The following BCOR variants were observed in gnomAD, a reference collection of about 807,000 sequenced individuals.
BCOR encodes BCL6 corepressor.
BCOR carries 10 observed loss-of-function variants against 86.7 expected under a neutral mutation model. The observed-to-expected ratio is 0.12, with a 90% CI of 0.07 to 0.20. The LOEUF (loss-of-function observed/expected upper bound fraction) is 0.20, where lower values mean the gene tolerates loss of function less well. BCOR is among the 10% of genes least tolerant of loss of function. The pLI, the probability that BCOR is intolerant of heterozygous loss-of-function variation, is 1.00. For missense variants in BCOR, 1,259 were observed against 1,452.1 expected (o/e 0.87, Z 2.16); for synonymous variants, 611 against 609.0 (o/e 1.00, Z -0.05).
At chrX:40,161,491 C>T (rs1445315827) in intron 1 of BCOR, among the ~76,000 whole-genome samples, 1 of 97,685 alleles carries the variant, frequency 1.0e-5, no homozygotes, top group African/African-American at 3.8e-5. Context: ...AGCCAGAAAC[C>T]AGGCCGATTC....
intron 1 of BCOR, among the ~76,000 whole-genome samples, chrX:40,158,335 C>T (rs897935858): frequency 3.6e-5 from 4 of 112,080 alleles, no homozygotes; most frequent in African/African-American, 9.7e-5. Flanking sequence ...CGGCCGCCAT[C>T]TTGGCCCGGC....
At chrX:40,110,804 G>A (rs1937300150) in intron 1 of BCOR, among the ~76,000 whole-genome samples, 1 of 95,627 alleles carries the variant, frequency 1.0e-5, no homozygotes, top group South Asian at 5.4e-4. Flanking sequence ...TCCGCCTCCC[G>A]GGTTCAAGTG....
At chrX:40,174,267 CAAAG>C (rs1298771583) in intron 1 of BCOR, among the ~76,000 whole-genome samples, 4 of 112,481 alleles carry the variant, frequency 3.6e-5, no homozygotes, top group Non-Finnish European at 7.5e-5. Flanking sequence ...CCGAGAAAGA[CAAAG>C]AACACGGGCG....
chrX:40,076,810 C>A, intron 2 of BCOR: 3 of 329,335 alleles, frequency 9.1e-6, no homozygotes, highest in South Asian at 8.8e-5. Flanking sequence ...TTAAGCACAA[C>A]TACTTCTCCC....
chrX:40,140,993 T>A (rs770199270), intron 1 of BCOR, among the ~76,000 whole-genome samples: 24 of 112,832 alleles, frequency 2.1e-4, no homozygotes, highest in Non-Finnish European at 3.9e-4. Context: ...TCTTGACCCA[T>A]TGGCAACCCA....
chrX:40,075,067 C>A lies in BCOR; in HGVS notation c.279G>T (p.Leu93Phe). The A allele has an allele frequency of 8.3e-7, 1 of 1,206,666 alleles. No individual in the cohort carries two copies. Among genetic ancestry groups the A allele is most frequent in the Non-Finnish European group, 1.1e-6 (1 of 892,351 alleles). Residue 93 changes from leucine to phenylalanine, a missense_variant, in exon 4 of 15, where the codon TTG becomes TTT. Coordinates refer to ENST00000378444, the MANE Select transcript of BCOR (RefSeq NM_001123385.2). ...GACCTTTCTCTGAGCCCAGTCCACA[C>A]AAGCTAGAATAGACGATGTTTCCCG... is the stretch of plus-strand genomic sequence containing the variant. ...RVPGNIVYSS[L>F]CGLGSEKGRE...
exon 1 of BCOR, chrX:40,177,170 C>T (rs1938781146): frequency 1.8e-5 from 2 of 111,093 alleles, no homozygotes; most frequent in African/African-American, 3.3e-5. Flanking sequence ...TCTTTCTCCT[C>T]CTCCGAGGTG....
intron 10 of BCOR, among the ~76,000 whole-genome samples, chrX:40,058,670 G>A (rs945626719): frequency 5.4e-5 from 6 of 111,708 alleles, no homozygotes; most frequent in African/African-American, 1.6e-4. Context: ...AACCCTGGCC[G>A]GTAACCCTGT....
chrX:40,142,204 C>T (rs1041490789), intron 1 of BCOR, among the ~76,000 whole-genome samples: 2 of 112,389 alleles, frequency 1.8e-5, no homozygotes, highest in African/African-American at 6.5e-5. Flanking sequence ...CTCTAACCAG[C>T]AGTCACTTTC....
At chrX:40,106,066 G>C (rs976769241) in intron 1 of BCOR, among the ~76,000 whole-genome samples, 15 of 111,943 alleles carry the variant, frequency 1.3e-4, no homozygotes, top group Middle Eastern at 4.7e-3. Flanking sequence ...ACGTAGGGTC[G>C]GCTGCGGGGC....
intron 1 of BCOR, among the ~76,000 whole-genome samples, chrX:40,114,835 G>T (rs1291136199): frequency 9.3e-6 from 1 of 107,340 alleles, no homozygotes; most frequent in African/African-American, 3.4e-5. Context: ...CTATGGCTTA[G>T]GTATTACCAT....
At chrX:40,174,960 C>G (rs1292827251) in intron 1 of BCOR, among the ~76,000 whole-genome samples, 9 of 113,358 alleles carry the variant, frequency 7.9e-5, no homozygotes, top group African/African-American at 2.9e-4. Context: ...TATCTGACCA[C>G]ATTTGTCTGG....
intron 1 of BCOR, among the ~76,000 whole-genome samples, chrX:40,151,604 G>A (rs1300525700): frequency 8.8e-6 from 1 of 113,104 alleles, no homozygotes; most frequent in Non-Finnish European, 1.9e-5. Context: ...GTCAGCGGGG[G>A]GACGGGTCCC....
intron 1 of BCOR, among the ~76,000 whole-genome samples, chrX:40,172,557 TTA>T (rs937480660): frequency 2.7e-5 from 3 of 112,618 alleles, no homozygotes; most frequent in African/African-American, 6.4e-5. Flanking sequence ...CCGTGTGTGT[TTA>T]TGTGTCTGCG....
chrX:40,083,767 C>A (rs1936222196), intron 1 of BCOR, among the ~76,000 whole-genome samples: 1 of 112,136 alleles, frequency 8.9e-6, no homozygotes, highest in Non-Finnish European at 1.9e-5. Context: ...CTCACGCCCT[C>A]GCGGCGCGCC....
rs144872499 is a variant in BCOR at position 40,052,874 on chromosome X, C to T, written c.4977-474G>A. 9.2e-3 allele frequency among the ~76,000 whole-genome samples: 1,031 copies of T among 111,789 alleles called. 19 individuals are homozygous for T. The highest frequency in any genetic ancestry group is 0.032 in the African/African-American group (987 of 30,744). On this transcript the variant is annotated intron_variant, in intron 14 of 14. Transcript: ENST00000378444. ...CCACCGTGCCCGGCCATCGCCATTCCTTTCTAAGGTGAGGCAGAGTAACTA... is the reference window on the plus strand; with the variant it reads ...CCACCGTGCCCGGCCATCGCCATTCTTTTCTAAGGTGAGGCAGAGTAACTA...
chrX:40,141,241 T>C (rs1419975482), intron 1 of BCOR, among the ~76,000 whole-genome samples: 2 of 112,865 alleles, frequency 1.8e-5, no homozygotes, highest in African/African-American at 6.4e-5. Context: ...GGCCAGTAAG[T>C]CTGACTGAAC....
At chrX:40,052,433 C>A (rs780698047) in intron 14 of BCOR, 33 bp from the exon 15 acceptor site, 29 of 1,192,064 alleles carry the variant, frequency 2.4e-5, no homozygotes, top group Admixed American at 2.0e-4. Context: ...CTTTGAGTTT[C>A]CAGTAAAATG....
chrX:40,055,294 C>A lies in BCOR; in HGVS notation c.4741+74G>T, dbSNP rs1934535509. 8.7e-6 allele frequency: 9 copies of A among 1,037,114 alleles called. No individual in the cohort carries two copies. In the Admixed American group the frequency reaches 1.1e-4, roughly 13 times the overall value. The allele number at this position is 1,037,114 out of a possible 1,213,427, so 85.5% of individuals were successfully genotyped here. The stretch of plus-strand genomic sequence containing the variant: ...TCAGCCTTTGTGATTTCTGCCTAGT[C>A]AAATTCCAATCATCTATTGTATCGA... On this transcript the variant is annotated intron_variant, in intron 12 of 14. Coordinates refer to ENST00000378444, the MANE Select transcript of BCOR (RefSeq NM_001123385.2).
Sources: allele counts gnomAD v4.1 joint callset (sites outside exome capture counted in the v4.1 genomes callset), GRCh38; gene constraint gnomAD v4.1.1; transcripts MANE v1.5; gene names NCBI Gene and HGNC (gene_info 2026-07-23, HGNC 2026-07-21).